The following DZIP3 variants were observed in gnomAD, a reference collection of about 807,000 sequenced individuals.
DZIP3 encodes E3 ubiquitin-protein ligase DZIP3.
A neutral mutation model predicts 162.0 loss-of-function variants in DZIP3; 118 were observed. The observed-to-expected ratio is 0.73, with a 90% CI of 0.63 to 0.85. The LOEUF is 0.85. Among genes scored for constraint, DZIP3 ranks in the 40% least tolerant of loss-of-function variants. The probability of loss-of-function intolerance (pLI) is 0.00; values close to 1 mark genes in which losing one functional copy is unlikely to be tolerated. For missense variants in DZIP3, 1,331 were observed against 1,407.0 expected, an observed-to-expected ratio of 0.95 and a Z score of 0.86; for synonymous variants, 438 against 458.6, an observed-to-expected ratio of 0.96 and a Z score of 0.57.
At chr3:108,631,055 A>ACACACACACACACACACACACT in intron 8 of DZIP3, among the ~76,000 whole-genome samples, 15 of 18,016 alleles carry the variant, frequency 8.3e-4, no homozygotes, top group Non-Finnish European at 9.0e-4. Flanking sequence ...ACACACACAC[A>ACACACACACACACACACACACT]CTCTCTCTCT....
chr3:108,627,728 A>T (rs937036206), intron 7 of DZIP3, among the ~76,000 whole-genome samples: 2 of 152,080 alleles, frequency 1.3e-5, no homozygotes, highest in Non-Finnish European at 2.9e-5. Context: ...CACTTTAAAG[A>T]TCCACTCCCA....
intron 7 of DZIP3, 93 bp downstream of exon 7, chr3:108,626,062 A>G: frequency 7.3e-7 from 1 of 1,367,936 alleles, no homozygotes; most frequent in Non-Finnish European, 9.8e-7. Flanking sequence ...GCATTGTGAC[A>G]TTTGTGCTCT....
intron 8 of DZIP3, among the ~76,000 whole-genome samples, chr3:108,630,071 CTG>C (rs571135416): frequency 1.8e-4 from 28 of 152,118 alleles, no homozygotes; most frequent in African/African-American, 6.0e-4. Context: ...TTATATGTCT[CTG>C]TATTTTCTCT....
chr3:108,631,935 G>A (rs940620087), intron 8 of DZIP3, among the ~76,000 whole-genome samples: 3 of 151,604 alleles, frequency 2.0e-5, no homozygotes, highest in Non-Finnish European at 2.9e-5. Flanking sequence ...TTATTATTCA[G>A]ATGCCTTGTA....
intron 13 of DZIP3, among the ~76,000 whole-genome samples, chr3:108,643,498 T>C (rs1364141602): frequency 6.6e-6 from 1 of 151,750 alleles, no homozygotes; most frequent in Non-Finnish European, 1.5e-5. Flanking sequence ...GACTGTGCTT[T>C]CCTAACAGGC....
At chr3:108,600,768 C>CA (rs1042210380) in intron 1 of DZIP3, among the ~76,000 whole-genome samples, 2 of 152,120 alleles carry the variant, frequency 1.3e-5, no homozygotes, top group Admixed American at 1.3e-4. Flanking sequence ...TTAATCTTTA[C>CA]AACCCTATGA....
chr3:108,619,094 T>C (rs1941186107), intron 5 of DZIP3, among the ~76,000 whole-genome samples: 1 of 149,514 alleles, frequency 6.7e-6, no homozygotes, highest in African/African-American at 2.5e-5. Context: ...AAAGAAAGCT[T>C]ATATCCTATG....
chr3:108,606,622 G>T (rs766874813), intron 2 of DZIP3, among the ~76,000 whole-genome samples: 10 of 152,118 alleles, frequency 6.6e-5, no homozygotes, highest in African/African-American at 2.2e-4. Context: ...TACAAGCAAG[G>T]GAGGATAAAA....
chr3:108,644,508 A>G lies in DZIP3; in HGVS notation c.1486A>G (p.Ile496Val). 6.2e-7 allele frequency: 1 copy of G among 1,614,132 alleles called. No individual in the cohort carries two copies. Among genetic ancestry groups the G allele is most frequent in the Non-Finnish European group, 8.5e-7 (1 of 1,179,988 alleles). Reference protein sequence around the residue: ...GWNMEPPSSDISKSADILRLC... With the variant: ...GWNMEPPSSDVSKSADILRLC... ...GAATATGGAACCGCCATCTTCTGACATCTCTAAATCTGCAGACATCCTGAG... is the reference window on the plus strand; with the variant it reads ...GAATATGGAACCGCCATCTTCTGACGTCTCTAAATCTGCAGACATCCTGAG... Residue 496 changes from isoleucine to valine, a missense_variant, in exon 14 of 33, where the codon ATC (isoleucine) becomes GTC (valine). Around this residue, in one of 2 missense-constraint regions of DZIP3, gnomAD observed 1,278 missense variants for 1,317.1 expected, o/e 0.97. Transcript: ENST00000361582.
intron 8 of DZIP3, among the ~76,000 whole-genome samples, 163 bp downstream of exon 8, chr3:108,629,339 G>A (rs980500681): frequency 1.3e-5 from 2 of 152,122 alleles, no homozygotes; most frequent in African/African-American, 2.4e-5. Flanking sequence ...TCAACAAGGA[G>A]GGAGAAGTGA....
chr3:108,660,599 C>T (rs1943374735), intron 19 of DZIP3, among the ~76,000 whole-genome samples: 1 of 151,972 alleles, frequency 6.6e-6, no homozygotes, highest in Non-Finnish European at 1.5e-5. Context: ...ATGTCTAAAA[C>T]ACCAAAAGCA....
At position 108,688,004 on chromosome 3, in the gene DZIP3, T is replaced by C; in HGVS notation, c.3178T>C (p.Leu1060=). 5 of 1,613,688 alleles carry C rather than the reference T, an allele frequency of 3.1e-6. No homozygotes were observed. The highest frequency in any genetic ancestry group is 2.2e-5 in the South Asian group (2 of 91,072). ...GGAACTTACAGATTTCTTACGGAAATTGAAGGATGCTTATGGAAAATCCTT... is the reference window on the plus strand; with the variant it reads ...GGAACTTACAGATTTCTTACGGAAACTGAAGGATGCTTATGGAAAATCCTT... The part of the protein sequence containing the change: ...RKELTDFLRK[L]KDAYGKSLSE... Residue 1060 remains leucine (L), a synonymous_variant, in exon 29 of 33, where the codon TTG becomes CTG. Transcript: ENST00000361582.
At chr3:108,690,679 T>C (rs1944657240) in intron 31 of DZIP3, 108 bp from the exon 32 acceptor site, 5 of 997,256 alleles carry the variant, frequency 5.0e-6, no homozygotes, top group Non-Finnish European at 7.6e-6. Flanking sequence ...CGTAAGGCTT[T>C]AAAGATCCAC....
chr3:108,624,957 C>A (rs1046278247), intron 6 of DZIP3, among the ~76,000 whole-genome samples: 1 of 151,136 alleles, frequency 6.6e-6, no homozygotes, highest in African/African-American at 2.4e-5. Context: ...CTTATTTTTT[C>A]TTCCCAAATC....
chr3:108,636,638 T>G lies in DZIP3; in HGVS notation c.941T>G (p.Leu314Trp). 1 of 1,562,020 alleles carries G rather than the reference T, an allele frequency of 6.4e-7. No homozygotes were observed. The highest frequency in any genetic ancestry group is 8.6e-7 in the Non-Finnish European group (1 of 1,162,200). Residue 314 changes from leucine (L) to tryptophan (W), a missense_variant, in exon 11 of 33, where the codon TTG (leucine) becomes TGG (tryptophan). This residue lies in a region of DZIP3 where 1,278 missense variants were observed against 1,317.1 expected (regional missense o/e 0.97). Transcript: ENST00000361582. ...NDQSFSGKKC[L>W]KEGCTGDMVR... Reference sequence around the variant, plus strand: ...TAGAGTTTTAGTGGGAAAAAATGTTTGAAGGAAGGATGTACAGGTGACATG... The same window carrying G: ...TAGAGTTTTAGTGGGAAAAAATGTTGGAAGGAAGGATGTACAGGTGACATG...
intron 21 of DZIP3, among the ~76,000 whole-genome samples, chr3:108,663,059 G>A (rs975633061): frequency 1.3e-5 from 2 of 152,110 alleles, no homozygotes; most frequent in Non-Finnish European, 2.9e-5. Flanking sequence ...AGAGATTTAG[G>A]TCTTAATTTT....
At chr3:108,624,947 C>T (rs1163021061) in intron 6 of DZIP3, among the ~76,000 whole-genome samples, 2 of 151,750 alleles carry the variant, frequency 1.3e-5, no homozygotes, top group African/African-American at 4.8e-5. Flanking sequence ...TGATATTTCT[C>T]TTATTTTTTC....
chr3:108,653,507 G>GTATATATATATATATA (rs57047978), intron 18 of DZIP3, among the ~76,000 whole-genome samples: 44 of 104,582 alleles, frequency 4.2e-4, no homozygotes, highest in Admixed American at 6.2e-4. Flanking sequence ...GTGTGTGTGT[G>GTATATATATATATATA]TATATATATA....
rs543968481 is a variant in DZIP3, at chr3:108,616,599, G to C, written c.317G>C (p.Arg106Pro). 6.2e-7 allele frequency: 1 copy of C among 1,609,746 alleles called. No homozygotes were observed. Among genetic ancestry groups the C allele is most frequent in the Non-Finnish European group, 8.5e-7 (1 of 1,178,082 alleles). Residue 106 changes from arginine to proline, a missense_variant, in exon 5 of 33, where the codon CGT (arginine) becomes CCT (proline). Physicochemically the swap from Arg to Pro is moderately radical, Grantham distance 103. Coordinates refer to ENST00000361582, the MANE Select transcript of DZIP3 (RefSeq NM_014648.4). ...GEEIVPALTLRFLITQLEAAL... is the reference protein window; with the variant it reads ...GEEIVPALTLPFLITQLEAAL... ...GAAATTGTTCCTGCTTTGACTTTACGTTTCTTGATTACACAGCTAGAAGCA... is the reference window on the plus strand; with the variant it reads ...GAAATTGTTCCTGCTTTGACTTTACCTTTCTTGATTACACAGCTAGAAGCA...
Sources: allele counts gnomAD v4.1 joint callset (sites outside exome capture counted in the v4.1 genomes callset), GRCh38; gene constraint gnomAD v4.1.1; regional missense constraint gnomAD v4.1.1; transcripts MANE v1.5; gene names NCBI Gene and HGNC (gene_info 2026-07-23, HGNC 2026-07-21).